The following TBC1D17 variants were observed in gnomAD, a reference collection of about 807,000 sequenced individuals.
TBC1D17 encodes the protein TBC1 domain family, member 17.
TBC1D17 carries 69 observed loss-of-function variants against 78.8 expected under a neutral mutation model. The observed-to-expected ratio is 0.88, with a 90% CI of 0.72 to 1.07. TBC1D17 has a LOEUF of 1.07. Ranked by LOEUF, TBC1D17 falls within the 50% of genes least tolerant of loss-of-function variation. The pLI is 0.00. For missense variants in TBC1D17, 957 were observed against 861.0 expected (o/e 1.11, Z -1.39); for synonymous variants, 456 against 358.3 (o/e 1.27, Z -3.08).
rs745825084 is a variant in TBC1D17, at chr19:49,883,077, G to C, written c.1031+1G>C. 1.9e-6 allele frequency: 3 copies of C among 1,604,314 alleles called. No individual in the cohort carries two copies. The East Asian group carries it at 6.7e-5, about 36-fold the overall frequency. On this transcript the variant is annotated splice_donor_variant, in intron 9 of 16. Transcript: ENST00000221543. LOFTEE classifies it high-confidence loss of function. Reference sequence around the variant, plus strand: ...ACAAGGCCCACATACGCAAGAAAACGTGAGTTCTCAGGAGGCCCTGCCCTG... The same window carrying C: ...ACAAGGCCCACATACGCAAGAAAACCTGAGTTCTCAGGAGGCCCTGCCCTG...
At position 49,882,362 on chromosome 19, in the gene TBC1D17, G is replaced by A. The variant is rs200460228; in HGVS notation, c.760G>A (p.Asp254Asn). 6.8e-5 allele frequency: 110 copies of A among 1,609,294 alleles called. No homozygotes were observed. Among genetic ancestry groups the A allele is most frequent in the Non-Finnish European group, 8.6e-5 (102 of 1,179,932 alleles). The part of the protein sequence containing the change: ...GAASDLPPPP[D>N]DEPEPGFEVI... ...CGCCTCCGACCTTCCCCCGCCACCC[G>A]ACGATGAGCCCGAGCCTGGATTCGA... Residue 254 changes from aspartate (D) to asparagine (N), a missense_variant, in exon 7 of 17, where the codon GAC becomes AAC. Asp to Asn is a conservative substitution (Grantham distance 23). Coordinates refer to ENST00000221543, the MANE Select transcript of TBC1D17 (RefSeq NM_024682.3).
chr19:49,886,005 G>C (rs1040470670), intron 13 of TBC1D17, among the ~76,000 whole-genome samples: 1 of 149,782 alleles, frequency 6.7e-6, no homozygotes, highest in Non-Finnish European at 1.5e-5. Flanking sequence ...AAAAGGTCGG[G>C]TGTGGTGGCT....
Position 49,888,414 on chromosome 19 carries a change from G to C in TBC1D17, c.1747-10G>C. 1.5e-6 allele frequency: 2 copies of C among 1,322,716 alleles called. No individual in the cohort carries two copies. The highest frequency in any genetic ancestry group is 2.0e-6 in the Non-Finnish European group (2 of 1,013,818). 81.9% of individuals were successfully genotyped at this position (1,322,716 alleles called of 1,614,324 possible). A position where few individuals can be genotyped will look rare whatever the true frequency, so the allele number is the denominator to read the frequency against. ...TTCCGCTTTTCGCTTCTCTCATCCC[G>C]TGCCTCCAGGAGCTGCCCCACAACG... On this transcript the variant is annotated splice_polypyrimidine_tract_variant and intron_variant, in intron 16 of 16. Transcript: ENST00000221543.
At chr19:49,881,982 AGCCTGGGACACTGG>A in intron 5 of TBC1D17, 45 bp from the exon 6 acceptor site, 1 of 1,448,284 alleles carries the variant, frequency 6.9e-7, no homozygotes, top group African/African-American at 1.4e-5. Flanking sequence ...GAGCACAGAC[AGCCTGGGACACTGG>A]GCCCCTACCT....
chr19:49,885,094 G>A (rs540997716), intron 13 of TBC1D17: 1 of 311,638 alleles, frequency 3.2e-6, no homozygotes, highest in East Asian at 7.4e-5. Context: ...CCTTGAACCA[G>A]GAATCAGAGA....
At position 49,887,699 on chromosome 19, in the gene TBC1D17, C is replaced by T. The variant is rs2075070608; in HGVS notation, c.1543-19C>T. On this transcript the variant is annotated intron_variant, in intron 14 of 16. Coordinates refer to ENST00000221543, the MANE Select transcript of TBC1D17 (RefSeq NM_024682.3). The stretch of plus-strand genomic sequence containing the variant: ...GCTGGGCTATGACCTCCCTCCCTCC[C>T]TCTGTCCCGCACCCTCAGGTGCTGT... 2 of 1,612,034 alleles carry T rather than the reference C, an allele frequency of 1.2e-6. No individual in the cohort carries two copies. The highest frequency in any genetic ancestry group is 8.5e-7 in the Non-Finnish European group (1 of 1,178,646).
In TBC1D17 at chr19:49,888,402, TTC is replaced by T. The variant is rs1568679915; in HGVS notation, c.1747-17_1747-16del. On this transcript the variant is annotated intron_variant, in intron 16 of 16. Coordinates refer to ENST00000221543, the MANE Select transcript of TBC1D17 (RefSeq NM_024682.3). ...CTCACCTTCACCTTCCGCTTTTCGC[TTC>T]TCTCATCCCGTGCCTCCAGGAGCTG... 3 of 1,370,214 alleles carry T rather than the reference TTC, an allele frequency of 2.2e-6. No homozygotes were observed. The highest frequency in any genetic ancestry group is 2.1e-5 in the Admixed American group (1 of 48,608). 84.9% of individuals were successfully genotyped at this position (1,370,214 alleles called of 1,614,324 possible).
At chr19:49,880,597 C>T (rs1012702485) in intron 4 of TBC1D17, among the ~76,000 whole-genome samples, 195 bp downstream of exon 4, 3 of 152,370 alleles carry the variant, frequency 2.0e-5, no homozygotes, top group Non-Finnish European at 4.4e-5. Context: ...GCCAGTGTCT[C>T]TGAGACTGCA....
intron 10 of TBC1D17, among the ~76,000 whole-genome samples, chr19:49,884,012 C>T (rs1231749482): frequency 6.6e-6 from 1 of 152,190 alleles, no homozygotes; most frequent in Admixed American, 6.5e-5. Context: ...GTGATTTTGC[C>T]TCCCTGGGCC....
At chr19:49,888,391 C>A (rs755950193) in intron 16 of TBC1D17, 33 bp from the exon 17 acceptor site, 2 of 1,346,492 alleles carry the variant, frequency 1.5e-6, no homozygotes, top group East Asian at 4.3e-5. Flanking sequence ...CCTTCACCTT[C>A]CGCTTTTCGC....
rs375403850 is a variant in TBC1D17, at chr19:49,883,066, C to T, written c.1021C>T (p.Arg341Cys). The T allele has an allele frequency of 5.3e-5, 85 of 1,606,636 alleles. No homozygotes were observed. Among genetic ancestry groups the T allele is most frequent in the East Asian group, 9.0e-5 (4 of 44,676 alleles). Reference sequence around the variant, plus strand: ...AGCTGAGGAGCACAAGGCCCACATACGCAAGAAAACGTGAGTTCTCAGGAG... The same window carrying T: ...AGCTGAGGAGCACAAGGCCCACATATGCAAGAAAACGTGAGTTCTCAGGAG... ...GTAEEHKAHI[R>C]KKTDEYFRMK... Residue 341 changes from arginine to cysteine, a missense_variant, in exon 9 of 17, where the codon CGC becomes TGC. Physicochemically the swap from Arg to Cys is radical, Grantham distance 180 (BLOSUM62 -3). Coordinates refer to ENST00000221543, the MANE Select transcript of TBC1D17 (RefSeq NM_024682.3).
At chr19:49,880,607 A>G (rs1168526334) in intron 4 of TBC1D17, among the ~76,000 whole-genome samples, 1 of 152,232 alleles carries the variant, frequency 6.6e-6, no homozygotes, top group Non-Finnish European at 1.5e-5. Context: ...CTGAGACTGC[A>G]GCCTTGCTCA....
chr19:49,884,194 C>G, intron 10 of TBC1D17, 59 bp from the exon 11 acceptor site: 1 of 1,502,138 alleles, frequency 6.7e-7, no homozygotes, highest in South Asian at 1.1e-5. Context: ...CACTGGTGGC[C>G]AGCAGGGATG....
At position 49,882,083 on chromosome 19, in the gene TBC1D17, C is replaced by T. The variant is rs1482257954; in HGVS notation, c.570C>T (p.Asp190=). 2.5e-6 allele frequency: 4 copies of T among 1,614,158 alleles called. No individual in the cohort carries two copies. The highest frequency in any genetic ancestry group is 2.2e-5 in the East Asian group (1 of 44,894). ...GCCTCTACCTTGTCTTCCCCCACGACTCCTCTGCTCTCTCCAACTCCTTCC... is the reference window on the plus strand; with the variant it reads ...GCCTCTACCTTGTCTTCCCCCACGATTCCTCTGCTCTCTCCAACTCCTTCC... The part of the protein sequence containing the change: ...DSRLYLVFPH[D]SSALSNSFHH... Residue 190 remains aspartate (D), a synonymous_variant, in exon 6 of 17, where the codon GAC becomes GAT. Coordinates refer to ENST00000221543, the MANE Select transcript of TBC1D17 (RefSeq NM_024682.3).
rs546960931 is a variant in TBC1D17 at position 49,888,277 on chromosome 19, C to A, written c.1706C>A (p.Thr569Asn). 1.3e-6 allele frequency: 2 copies of A among 1,593,536 alleles called. No individual in the cohort carries two copies. The highest frequency in any genetic ancestry group is 2.3e-5 in the South Asian group (2 of 87,874). ...AAGCTGAGCGTGGAGGACGTGCTGA[C>A]CCGCGCCGAGGCCCTGCACCGCCAG... is the stretch of plus-strand genomic sequence containing the variant. Reference protein sequence around the residue: ...TMKLSVEDVLTRAEALHRQLT... With the variant: ...TMKLSVEDVLNRAEALHRQLT... The change falls in exon 16 of 17, where the codon ACC becomes AAC. Residue 569 changes from threonine to asparagine, a missense_variant. Physicochemically the swap from Thr to Asn is moderately conservative, Grantham distance 65 (BLOSUM62 0). Coordinates refer to ENST00000221543, the MANE Select transcript of TBC1D17 (RefSeq NM_024682.3).
rs746804598 is a variant in TBC1D17, at chr19:49,880,262, T to C, written c.196-17T>C. 3 of 1,613,672 alleles carry C rather than the reference T, an allele frequency of 1.9e-6. No homozygotes were observed. The East Asian group carries it at 6.7e-5, about 36-fold the overall frequency. Reference sequence around the variant, plus strand: ...GAATCCATGGCCCCTTACTGTCTGCTCCTTTCCTCTCCTAAGGACTCCAGT... The same window carrying C: ...GAATCCATGGCCCCTTACTGTCTGCCCCTTTCCTCTCCTAAGGACTCCAGT... On this transcript the variant is annotated splice_polypyrimidine_tract_variant and intron_variant, in intron 3 of 16. Transcript: ENST00000221543.
At chr19:49,888,002 C>T in intron 15 of TBC1D17, 168 bp downstream of exon 15, 2 of 913,764 alleles carry the variant, frequency 2.2e-6, no homozygotes, top group Non-Finnish European at 3.3e-6. Context: ...CCATGCCATG[C>T]CTGCTCCCAG....
chr19:49,880,244 T>C (rs1292178712), intron 3 of TBC1D17, 35 bp from the exon 4 acceptor site: 1 of 1,610,858 alleles, frequency 6.2e-7, no homozygotes, highest in Non-Finnish European at 8.5e-7. Flanking sequence ...TCTGAATCCA[T>C]GGCCCCTTAC....
In TBC1D17 at chr19:49,888,735, A is replaced by G; in HGVS notation, c.*111A>G. 8.7e-6 allele frequency: 9 copies of G among 1,035,438 alleles called. No individual in the cohort carries two copies. Among genetic ancestry groups the G allele is most frequent in the Non-Finnish European group, 1.2e-5 (9 of 734,226 alleles). 64.1% of individuals were successfully genotyped at this position (1,035,438 alleles called of 1,614,324 possible). A position where few individuals can be genotyped will look rare whatever the true frequency, so the allele number is the denominator to read the frequency against. On this transcript the variant is annotated 3_prime_UTR_variant, in exon 17 of 17. Transcript: ENST00000221543. ...CTGATAAGCTGGCTTCATTAAACTG[A>G]CACTTCTCATGTGCAGTTGGCTTCT...
Sources: gnomAD v4.1 joint callset for allele counts (sites outside exome capture counted in the v4.1 genomes callset) on GRCh38, gnomAD v4.1.1 for gene constraint, MANE v1.5 for transcripts, NCBI Gene and HGNC (gene_info 2026-07-23, HGNC 2026-07-21) for gene names.